The following MORN1 variants were observed in gnomAD, a reference collection of about 807,000 sequenced individuals.
MORN1 encodes MORN repeat-containing protein 1.
In MORN1, 67 loss-of-function variants were observed where a neutral mutation model predicts 61.9. That is an observed-to-expected ratio of 1.08 (90% CI 0.89 to 1.33). MORN1 has a LOEUF of 1.33. Ranked by LOEUF, MORN1 falls within the 40% of genes most tolerant of loss-of-function variation. The pLI is 0.00. For synonymous variants in MORN1, 301 were observed against 292.0 expected (o/e 1.03, Z -0.31); for missense variants, 752 against 691.2 (o/e 1.09, Z -0.99).
At chr1:2,348,910 C>T (rs1385094773) in intron 10 of MORN1, among the ~76,000 whole-genome samples, 1 of 152,168 alleles carries the variant, frequency 6.6e-6, no homozygotes, top group Non-Finnish European at 1.5e-5. Context: ...CACAAACGCA[C>T]AGGTTCACTT....
intron 12 of MORN1, among the ~76,000 whole-genome samples, chr1:2,333,605 A>G (rs1244424580): frequency 2.6e-5 from 4 of 152,136 alleles, no homozygotes; most frequent in Admixed American, 6.5e-5. Context: ...ATCCTGGCTC[A>G]AGGTGCTGCT....
chr1:2,391,284 G>A (rs998597062), intron 1 of MORN1, among the ~76,000 whole-genome samples, 174 bp downstream of exon 1: 1 of 152,208 alleles, frequency 6.6e-6, no homozygotes, highest in African/African-American at 2.4e-5. Context: ...CCGAGCCCGA[G>A]GCGCACGGCG....
At chr1:2,362,275 G>A (rs997274892) in intron 8 of MORN1, among the ~76,000 whole-genome samples, 2 of 152,124 alleles carry the variant, frequency 1.3e-5, no homozygotes, top group Non-Finnish European at 2.9e-5. Flanking sequence ...AGTGGAAGTG[G>A]ATTATCACAA....
rs1042061753 is a variant in MORN1 at position 2,352,140 on chromosome 1, C to T, written c.1036+5292G>A. ...TGTAGAGTGTTTGTGAGCTTTTTGT[C>T]CCCTGGTTCTGCATTAATAATAGCT... On this transcript the variant is annotated intron_variant, in intron 10 of 13. Coordinates refer to ENST00000378531, the MANE Select transcript of MORN1 (RefSeq NM_024848.3). The T allele has an allele frequency of 1.9e-5, 7 of 371,846 alleles. No individual in the cohort carries two copies. The South Asian group carries it at 2.5e-4, about 13-fold the overall frequency. The allele number at this position is 371,846 out of a possible 1,614,324, so 23.0% of individuals were successfully genotyped here.
chr1:2,323,714 G>C, intron 13 of MORN1: 1 of 985,288 alleles, frequency 1.0e-6, no homozygotes, highest in Non-Finnish European at 1.2e-6. Flanking sequence ...CCCTGCAGCC[G>C]GCCTTGCTGG....
At chr1:2,368,495 T>C (rs1459836761) in intron 8 of MORN1, among the ~76,000 whole-genome samples, 2 of 152,172 alleles carry the variant, frequency 1.3e-5, no homozygotes, top group Admixed American at 6.5e-5. Flanking sequence ...GGTGTTGCCA[T>C]GGTGATGGTA....
chr1:2,355,071 G>T, intron 10 of MORN1: 2 of 783,808 alleles, frequency 2.6e-6, no homozygotes, highest in Non-Finnish European at 3.1e-6. Context: ...CAGGCAGTGG[G>T]GCCGGCGCGG....
rs948058757 is a variant in MORN1, at chr1:2,385,733, C to G, written c.449+74G>C. On this transcript the variant is annotated intron_variant, in intron 5 of 13. Transcript: ENST00000378531. ...TCCCATGGCAGTCCTGTCTACACCC[C>G]CAGGCCACATGGCCTCACACCTGCC... 7 of 1,407,230 alleles carry G rather than the reference C, an allele frequency of 5.0e-6. No individual in the cohort carries two copies. The African/African-American group carries it at 5.6e-5, about 11-fold the overall frequency. 87.2% of individuals were successfully genotyped at this position (1,407,230 alleles called of 1,614,324 possible).
intron 8 of MORN1, among the ~76,000 whole-genome samples, chr1:2,367,310 A>C (rs1386443129): frequency 6.9e-6 from 1 of 144,820 alleles, no homozygotes; most frequent in Admixed American, 6.9e-5. Context: ...CTCTATCAAA[A>C]AAAAAAAAAA....
intron 2 of MORN1, 78 bp from the exon 3 acceptor site, chr1:2,388,415 T>C: frequency 2.6e-6 from 3 of 1,154,376 alleles, no homozygotes; most frequent in Non-Finnish European, 3.9e-6. Flanking sequence ...GTTGGGCCTG[T>C]TTCTCAGAAC....
At chr1:2,391,404 C>A in intron 1 of MORN1, 54 bp downstream of exon 1, 2 of 1,252,322 alleles carry the variant, frequency 1.6e-6, no homozygotes, top group Non-Finnish European at 2.0e-6. Context: ...GCGATCGCAC[C>A]CTGAATGGAG....
At chr1:2,325,500 C>G (rs1641007692) in intron 12 of MORN1, among the ~76,000 whole-genome samples, 1 of 151,628 alleles carries the variant, frequency 6.6e-6, no homozygotes, top group South Asian at 2.1e-4. Context: ...AGGAGTGTGC[C>G]ACCATGCCCA....
At position 2,389,922 on chromosome 1, in the gene MORN1, C is replaced by A. The variant is rs768103905; in HGVS notation, c.148+3G>T. 6.2e-7 allele frequency: 1 copy of A among 1,613,918 alleles called. No individual in the cohort carries two copies. The highest frequency in any genetic ancestry group is 8.5e-7 in the Non-Finnish European group (1 of 1,179,802). ...GCAAGAAGAGACCACAGATGCTTCT[C>A]ACCGTGCTTCCTCCCTGCTTTCCAT... On this transcript the variant is annotated splice_donor_region_variant and intron_variant, in intron 2 of 13. Coordinates refer to ENST00000378531, the MANE Select transcript of MORN1 (RefSeq NM_024848.3).
rs1640980274 is a variant in MORN1 at position 2,325,119 on chromosome 1, T to TTCCCTTCCTTCCC, written c.1251-977_1251-976insGGGAAGGAAGGGA. 5.2e-4 allele frequency among the ~76,000 whole-genome samples: 29 copies of TTCCCTTCCTTCCC among 55,636 alleles called. 2 individuals carry two copies. Among genetic ancestry groups the TTCCCTTCCTTCCC allele is most frequent in the African/African-American group, 3.1e-3 (26 of 8,322 alleles). 36.5% of individuals were successfully genotyped at this position (55,636 alleles called of 152,430 possible). On this transcript the variant is annotated intron_variant, in intron 12 of 13. Coordinates refer to ENST00000378531, the MANE Select transcript of MORN1 (RefSeq NM_024848.3). Reference sequence around the variant, plus strand: ...TTTCTCTCCCCTTTCCTTCCCTTCCTTCCCTTCCTTCCTTCCCTCCCTCCC... The same window carrying TTCCCTTCCTTCCC: ...TTTCTCTCCCCTTTCCTTCCCTTCCTTCCCTTCCTTCCCTCCCTTCCTTCCTTCCCTCCCTCCC...
Position 2,387,238 on chromosome 1 carries a change from G to A in MORN1, c.358+181C>T, listed in dbSNP as rs560609680. ...CGCAGGACCCGCTGGGCATACTGGT[G>A]TATGCCGGGCATAGGACATGGCCTG... On this transcript the variant is annotated intron_variant, in intron 4 of 13. Coordinates refer to ENST00000378531, the MANE Select transcript of MORN1 (RefSeq NM_024848.3). 3.6e-5 allele frequency: 22 copies of A among 618,306 alleles called. No homozygotes were observed. The East Asian group carries it at 5.7e-4, about 16-fold the overall frequency. 38.3% of individuals were successfully genotyped at this position (618,306 alleles called of 1,614,324 possible).
rs961345778 is a variant in MORN1 at position 2,352,009 on chromosome 1, C to G, written c.1036+5423G>C. ...CCTCCAGGAATGAGACCCCCTCCAC[C>G]AGGAATTAGAGGTCCACCTCCCCTA... is the stretch of plus-strand genomic sequence containing the variant. On this transcript the variant is annotated intron_variant, in intron 10 of 13. Transcript: ENST00000378531. The G allele has an allele frequency of 7.6e-6, 4 of 527,188 alleles. No individual in the cohort carries two copies. In the Admixed American group the frequency reaches 9.8e-5, roughly 13 times the overall value. The allele number at this position is 527,188 out of a possible 1,614,324, so 32.7% of individuals were successfully genotyped here. A position where few individuals can be genotyped will look rare whatever the true frequency, so the allele number is the denominator to read the frequency against.
At chr1:2,326,334 C>T (rs1641025771) in intron 12 of MORN1, 1 of 152,178 alleles carries the variant, frequency 6.6e-6, no homozygotes, top group African/African-American at 2.4e-5. Flanking sequence ...CCGAGAAGAA[C>T]TAGTCTGCCA....
rs569602299 is a variant in MORN1, at chr1:2,372,918, G to A, written c.635-327C>T. 3.9e-5 allele frequency among the ~76,000 whole-genome samples: 6 copies of A among 152,234 alleles called. No homozygotes were observed. The South Asian group carries it at 1.0e-3, about 26-fold the overall frequency. On this transcript the variant is annotated intron_variant, in intron 7 of 13. Coordinates refer to ENST00000378531, the MANE Select transcript of MORN1 (RefSeq NM_024848.3). This position sits in a 1 kb window ranked among gnomAD's most constrained non-coding sequence, Gnocchi z 5.4. ...GTTTTCCTGCCCGTGGAATGTTCCC[G>A]CACGTCTTCCCGCTGGTCGGGATTT...
At chr1:2,346,767 ATCC>A (rs1641524079) in intron 10 of MORN1, among the ~76,000 whole-genome samples, 1 of 152,184 alleles carries the variant, frequency 6.6e-6, no homozygotes, top group South Asian at 2.1e-4. Context: ...GTTTGGGTGC[ATCC>A]TCAGCCCCTC....
Sources: allele counts gnomAD v4.1 joint callset (sites outside exome capture counted in the v4.1 genomes callset), GRCh38; gene constraint gnomAD v4.1.1; non-coding constraint Gnocchi (gnomAD v3.1); transcripts MANE v1.5; gene names NCBI Gene and HGNC (gene_info 2026-07-23, HGNC 2026-07-21).